Variants in GALNT13 observed in about 807,000 individuals in gnomAD.
GALNT13 encodes UDP-GalNAc:polypeptide N-acetylgalactosaminyltransferase 13.
In GALNT13, 28 loss-of-function variants were observed where a neutral mutation model predicts 64.2. The ratio of observed to expected loss-of-function variants is 0.44; its 90% CI spans 0.32 to 0.60. The LOEUF (loss-of-function observed/expected upper bound fraction) is 0.60. GALNT13 is among the 20% of genes least tolerant of loss of function. The pLI is 0.05. For synonymous variants in GALNT13, 214 were observed against 224.6 expected, an observed-to-expected ratio of 0.95 and a Z score of 0.42; for missense variants, 577 against 669.8, an observed-to-expected ratio of 0.86 and a Z score of 1.53.
chr2:153,632,178 T>G, the GALNT13 span, among the ~76,000 whole-genome samples: 7 of 150,320 alleles, frequency 4.7e-5, no homozygotes, highest in East Asian at 1.9e-4. Flanking sequence ...TACTACAAGT[T>G]TTTTCCTGGT....
intron 4 of GALNT13, among the ~76,000 whole-genome samples, chr2:154,231,132 C>G (rs1371553282): frequency 6.6e-6 from 1 of 151,982 alleles, no homozygotes; most frequent in East Asian, 1.9e-4. Flanking sequence ...TCTTTTTACT[C>G]CTTTCTTTAG....
At chr2:153,649,920 G>A in the GALNT13 span, among the ~76,000 whole-genome samples, 1 of 152,298 alleles carries the variant, frequency 6.6e-6, no homozygotes, top group South Asian at 2.1e-4. Context: ...GTGGTGTAGT[G>A]TTGAAAAGAA....
intron 8 of GALNT13, among the ~76,000 whole-genome samples, chr2:154,270,593 A>G (rs1224610778): frequency 6.6e-6 from 1 of 151,970 alleles, no homozygotes; most frequent in African/African-American, 2.4e-5. Flanking sequence ...GGCAAGAGAA[A>G]TAAAGTAACA....
the GALNT13 span, among the ~76,000 whole-genome samples, chr2:153,610,888 GAAAT>G: frequency 6.6e-6 from 1 of 151,720 alleles, no homozygotes; most frequent in African/African-American, 2.4e-5. Flanking sequence ...AAGAAAGAAG[GAAAT>G]AAATTTTTTA....
the GALNT13 span, among the ~76,000 whole-genome samples, chr2:153,093,367 T>G: frequency 2.6e-5 from 4 of 151,518 alleles, no homozygotes; most frequent in African/African-American, 9.7e-5. Context: ...GCCTCTCGAG[T>G]AGCTGGGACT....
At chr2:154,088,924 C>G (rs1701665131) in intron 3 of GALNT13, among the ~76,000 whole-genome samples, 1 of 152,018 alleles carries the variant, frequency 6.6e-6, no homozygotes, top group South Asian at 2.1e-4. Flanking sequence ...ATTTCAGGCT[C>G]CTTTGCAGAT....
chr2:154,090,844 A>G (rs1204575481), intron 3 of GALNT13, among the ~76,000 whole-genome samples: 1 of 152,002 alleles, frequency 6.6e-6, no homozygotes, highest in East Asian at 1.9e-4. Flanking sequence ...CATTTAAAAA[A>G]CCGAATCTAC....
the GALNT13 span, among the ~76,000 whole-genome samples, chr2:153,604,525 A>G: frequency 6.6e-6 from 1 of 152,050 alleles, no homozygotes; most frequent in Non-Finnish European, 1.5e-5. Context: ...CTAAAACAAA[A>G]CTTGCTTCCT....
chr2:153,599,290 G>A, the GALNT13 span, among the ~76,000 whole-genome samples: 3 of 151,922 alleles, frequency 2.0e-5, no homozygotes, highest in Admixed American at 6.6e-5. Flanking sequence ...CTAGGTTAAT[G>A]TTAGCTATAG....
the GALNT13 span, among the ~76,000 whole-genome samples, chr2:153,080,860 C>T: frequency 6.6e-6 from 1 of 152,008 alleles, no homozygotes. Context: ...ATACCTTTAG[C>T]ATTTTTAATA....
the GALNT13 span, among the ~76,000 whole-genome samples, chr2:153,404,643 A>G: frequency 6.6e-6 from 1 of 152,306 alleles, no homozygotes; most frequent in South Asian, 2.1e-4. Context: ...AGGAAGGAAC[A>G]ATCAATTTTT....
chr2:153,925,280 G>T (rs1342048603), intron 2 of GALNT13, among the ~76,000 whole-genome samples: 1 of 152,100 alleles, frequency 6.6e-6, no homozygotes, highest in African/African-American at 2.4e-5. Flanking sequence ...TGGCTAGCCA[G>T]TTGTCCCAGC....
intron 3 of GALNT13, among the ~76,000 whole-genome samples, chr2:154,073,929 A>G (rs576684771): frequency 2.0e-5 from 3 of 152,076 alleles, no homozygotes; most frequent in Admixed American, 6.6e-5. Flanking sequence ...GCTAGTTTCT[A>G]ATAAGGCAGA....
chr2:154,389,031 A>G (rs1277452544), intron 9 of GALNT13, among the ~76,000 whole-genome samples: 2 of 152,216 alleles, frequency 1.3e-5, no homozygotes, highest in African/African-American at 4.8e-5. Context: ...ATTTTTCCAT[A>G]TTCTTACATA....
chr2:153,935,673 T>C (rs1260720741), intron 2 of GALNT13, among the ~76,000 whole-genome samples: 1 of 152,182 alleles, frequency 6.6e-6, no homozygotes, highest in East Asian at 1.9e-4. Flanking sequence ...AGTTTTTCTG[T>C]TTCATAGCAC....
the GALNT13 span, among the ~76,000 whole-genome samples, chr2:153,484,111 C>T: frequency 1.5e-4 from 23 of 152,156 alleles, no homozygotes; most frequent in Non-Finnish European, 3.1e-4. Flanking sequence ...TTTGAAAATA[C>T]AGAACACTTA....
At chr2:153,431,147 C>CA in the GALNT13 span, among the ~76,000 whole-genome samples, 3,342 of 86,758 alleles carry the variant, frequency 0.039, 73 homozygotes, top group African/African-American at 0.094. Context: ...GAGACTCTGT[C>CA]AAAAAAAAAA....
At chr2:153,953,988 T>G (rs993188354) in intron 3 of GALNT13, among the ~76,000 whole-genome samples, 2 of 152,112 alleles carry the variant, frequency 1.3e-5, no homozygotes, top group Admixed American at 6.6e-5. Flanking sequence ...CTCTTACATG[T>G]TTGGCAAAAG....
intron 9 of GALNT13, among the ~76,000 whole-genome samples, chr2:154,390,192 A>T (rs1698718176): frequency 6.6e-6 from 1 of 152,244 alleles, no homozygotes; most frequent in Non-Finnish European, 1.5e-5. Flanking sequence ...AGTGAATTTA[A>T]TACTATAATG....
Sources: gnomAD v4.1 joint callset for allele counts (sites outside exome capture counted in the v4.1 genomes callset) on GRCh38, gnomAD v4.1.1 for gene constraint, MANE v1.5 for transcripts, NCBI Gene and HGNC (gene_info 2026-07-23, HGNC 2026-07-21) for gene names.